Variants in RBFOX1 observed in about 807,000 individuals in gnomAD.
RBFOX1 encodes the protein RNA binding fox-1 homolog 1, also known as RNA binding protein fox-1 homolog 1.
RBFOX1 carries 8 observed loss-of-function variants against 57.7 expected under a neutral mutation model. The observed-to-expected ratio is 0.14, with a 90% CI of 0.08 to 0.25. The LOEUF is 0.25. Ranked by LOEUF, RBFOX1 falls within the 10% of genes least tolerant of loss-of-function variation. The pLI is 1.00. For missense variants in RBFOX1, 611 were observed against 548.5 expected, an observed-to-expected ratio of 1.11 and a Z score of -1.14; for synonymous variants, 326 against 222.4, an observed-to-expected ratio of 1.47 and a Z score of -4.15.
chr16:6,493,118 C>T (rs1326915748), intron 2 of RBFOX1, among the ~76,000 whole-genome samples: 2 of 152,094 alleles, frequency 1.3e-5, no homozygotes, highest in African/African-American at 4.8e-5. Context: ...TCACTTTACC[C>T]CTGAGCTGAT....
intron 3 of RBFOX1, among the ~76,000 whole-genome samples, chr16:6,830,621 C>T (rs2092637882): frequency 6.6e-6 from 1 of 152,104 alleles, no homozygotes; most frequent in Non-Finnish European, 1.5e-5. Context: ...AAGGGTTCTG[C>T]TAAACATACC....
chr16:5,955,201 G>C (rs1267451019), intron 4 of RBFOX1, among the ~76,000 whole-genome samples: 1 of 100,152 alleles, frequency 1.0e-5, no homozygotes, highest in African/African-American at 5.1e-5. Context: ...GGAATTGCTT[G>C]AACCAGGAAG....
chr16:7,569,107 G>A (rs1289937110), intron 5 of RBFOX1, among the ~76,000 whole-genome samples: 1 of 151,906 alleles, frequency 6.6e-6, no homozygotes, highest in East Asian at 1.9e-4. Flanking sequence ...GCACACCATG[G>A]CTCTAAAACA....
chr16:5,910,273 G>A (rs993654148), intron 4 of RBFOX1, among the ~76,000 whole-genome samples: 4 of 152,022 alleles, frequency 2.6e-5, no homozygotes, highest in African/African-American at 9.7e-5. Flanking sequence ...GTCTCAGGGA[G>A]AAGTTTCACA....
intron 3 of RBFOX1, among the ~76,000 whole-genome samples, chr16:5,713,052 G>C (rs912628037): frequency 6.6e-6 from 1 of 152,200 alleles, no homozygotes; most frequent in African/African-American, 2.4e-5. Flanking sequence ...GGAAAAGTCT[G>C]TTGGGTAGGG....
intron 4 of RBFOX1, among the ~76,000 whole-genome samples, chr16:7,163,342 A>T (rs547651518): frequency 9.9e-4 from 151 of 152,292 alleles, no homozygotes; most frequent in African/African-American, 3.3e-3. Flanking sequence ...ATCAATCCAG[A>T]GCAAAGAGGC....
At chr16:7,225,486 T>G (rs1052905178) in intron 4 of RBFOX1, among the ~76,000 whole-genome samples, 14 of 152,146 alleles carry the variant, frequency 9.2e-5, no homozygotes, top group African/African-American at 3.4e-4. Flanking sequence ...CCCAGCCACG[T>G]ATAACTGTAA....
intron 4 of RBFOX1, among the ~76,000 whole-genome samples, chr16:7,421,998 A>G (rs963885249): frequency 6.6e-6 from 1 of 152,194 alleles, no homozygotes; most frequent in African/African-American, 2.4e-5. Flanking sequence ...AAATAGAATA[A>G]AAACCCTCAG....
At chr16:7,543,603 C>T (rs2083541893) in intron 5 of RBFOX1, among the ~76,000 whole-genome samples, 1 of 151,154 alleles carries the variant, frequency 6.6e-6, no homozygotes, top group African/African-American at 2.4e-5. Flanking sequence ...AAATTGAGAA[C>T]CATTGCTTAA....
intron 2 of RBFOX1, among the ~76,000 whole-genome samples, chr16:5,566,354 C>T (rs894160036): frequency 6.6e-6 from 1 of 152,074 alleles, no homozygotes; most frequent in Non-Finnish European, 1.5e-5. Context: ...ATCACACAAA[C>T]ATCGGGCTGC....
chr16:7,107,896 C>A (rs4786966), intron 4 of RBFOX1, among the ~76,000 whole-genome samples: 405 of 151,948 alleles, frequency 2.7e-3, no homozygotes, highest in African/African-American at 9.5e-3. Flanking sequence ...TGATGCTAAA[C>A]GGTGGAGGGA....
chr16:6,167,827 A>ATCT (rs1278780382), intron 1 of RBFOX1, among the ~76,000 whole-genome samples: 1 of 152,160 alleles, frequency 6.6e-6, no homozygotes, highest in Non-Finnish European at 1.5e-5. Flanking sequence ...CATAGCAGGC[A>ATCT]TCTAAGGCTT....
chr16:6,223,574 T>A (rs954846451), intron 1 of RBFOX1, among the ~76,000 whole-genome samples: 1 of 152,238 alleles, frequency 6.6e-6, no homozygotes, highest in African/African-American at 2.4e-5. Context: ...AAAATTTGTT[T>A]GAGTTCATTG....
At chr16:5,481,559 C>G in intron 2 of RBFOX1, among the ~76,000 whole-genome samples, 1 of 152,134 alleles carries the variant, frequency 6.6e-6, no homozygotes, top group South Asian at 2.1e-4. Flanking sequence ...TTTGTTTCAT[C>G]TCTACATGAT....
intron 1 of RBFOX1, among the ~76,000 whole-genome samples, chr16:6,202,642 T>C (rs2097222344): frequency 6.6e-6 from 1 of 152,200 alleles, no homozygotes; most frequent in South Asian, 2.1e-4. Flanking sequence ...TGTAGATGTT[T>C]AACGTATACA....
intron 4 of RBFOX1, among the ~76,000 whole-genome samples, chr16:7,057,028 T>TG (rs575683457): frequency 1.6e-5 from 2 of 128,496 alleles, no homozygotes; most frequent in African/African-American, 6.5e-5. Context: ...GTTAAAGCAC[T>TG]GAAAAAAAAA....
At chr16:5,816,503 C>G (rs1263429758) in intron 3 of RBFOX1, among the ~76,000 whole-genome samples, 2 of 152,256 alleles carry the variant, frequency 1.3e-5, no homozygotes, top group African/African-American at 4.8e-5. Context: ...TCTGAAGCTC[C>G]TTTCTCAATT....
At chr16:7,128,745 G>T (rs916303280) in intron 4 of RBFOX1, among the ~76,000 whole-genome samples, 3 of 152,002 alleles carry the variant, frequency 2.0e-5, no homozygotes, top group African/African-American at 7.3e-5. Flanking sequence ...ATCACAAAGG[G>T]CTAGAACTGG....
intron 3 of RBFOX1, among the ~76,000 whole-genome samples, chr16:6,794,736 A>G (rs2083623242): frequency 6.6e-6 from 1 of 152,196 alleles, no homozygotes; most frequent in Admixed American, 6.5e-5. Flanking sequence ...TGGATCCAGT[A>G]TTCTTCATAC....
Sources: allele counts gnomAD v4.1 joint callset (sites outside exome capture counted in the v4.1 genomes callset), GRCh38; gene constraint gnomAD v4.1.1; transcripts MANE v1.5; gene names NCBI Gene and HGNC (gene_info 2026-07-23, HGNC 2026-07-21).